MBD5: variants seen among roughly 807,000 people sequenced by gnomAD.
The protein encoded by MBD5 is methyl-CpG-binding domain protein 5.
In MBD5, 13 loss-of-function variants were observed where a neutral mutation model predicts 117.3. That is an observed-to-expected ratio of 0.11 (90% confidence interval 0.07 to 0.18). The LOEUF is 0.18. Among genes scored for constraint, MBD5 ranks in the 10% least tolerant of loss-of-function variants. MBD5 has a pLI of 1.00. For synonymous variants in MBD5, 727 were observed against 766.4 expected (o/e 0.95, Z 0.85); for missense variants, 1,879 against 2,093.8 (o/e 0.90, Z 2.00).
At chr2:148,123,436 G>A (rs1376288132) in intron 1 of MBD5, among the ~76,000 whole-genome samples, 1 of 152,154 alleles carries the variant, frequency 6.6e-6, no homozygotes, top group Non-Finnish European at 1.5e-5. Context: ...TTTGGTGACT[G>A]TTGACTGACT....
intron 12 of MBD5, among the ~76,000 whole-genome samples, chr2:148,508,787 C>T (rs1559108442): frequency 6.6e-6 from 1 of 152,088 alleles, no homozygotes; most frequent in Non-Finnish European, 1.5e-5. Flanking sequence ...TTTTTTGAAA[C>T]ATAGGACCAT....
At chr2:148,510,242 C>A in intron 13 of MBD5, 107 bp downstream of exon 13, 1 of 760,018 alleles carries the variant, frequency 1.3e-6, no homozygotes, top group East Asian at 2.7e-5. Context: ...CATAGCAATA[C>A]TAAATTACTA....
At chr2:148,239,472 T>G (rs1700163321) in intron 3 of MBD5, among the ~76,000 whole-genome samples, 1 of 152,162 alleles carries the variant, frequency 6.6e-6, no homozygotes, top group African/African-American at 2.4e-5. Context: ...ATAATCATAC[T>G]TATAGTTATA....
chr2:148,426,440 G>T (rs201166059), intron 4 of MBD5, among the ~76,000 whole-genome samples: 1 of 151,742 alleles, frequency 6.6e-6, no homozygotes, highest in Non-Finnish European at 1.5e-5. Context: ...CATGGTACTG[G>T]TACCAAAACA....
At chr2:148,437,620 AC>A (rs1207313051) in intron 4 of MBD5, among the ~76,000 whole-genome samples, 1 of 152,024 alleles carries the variant, frequency 6.6e-6, no homozygotes, top group Non-Finnish European at 1.5e-5. Context: ...ATATGTCACA[AC>A]ACTTCACAGG....
intron 1 of MBD5, among the ~76,000 whole-genome samples, chr2:148,144,529 A>G (rs981804813): frequency 8.5e-5 from 13 of 152,264 alleles, no homozygotes; most frequent in African/African-American, 2.6e-4. Context: ...GCCCATGCCT[A>G]TGTCCTGAAT....
At chr2:148,290,178 G>A (rs561523753) in intron 3 of MBD5, among the ~76,000 whole-genome samples, 3 of 147,686 alleles carry the variant, frequency 2.0e-5, no homozygotes, top group East Asian at 2.0e-4. Flanking sequence ...GGCTGATCTC[G>A]AATGCCTGAC....
At chr2:148,106,077 T>C (rs772654268) in intron 1 of MBD5, among the ~76,000 whole-genome samples, 6 of 149,952 alleles carry the variant, frequency 4.0e-5, no homozygotes, top group Non-Finnish European at 5.9e-5. Context: ...ATGTTTCATT[T>C]TGGAAACATA....
At chr2:148,050,484 G>T (rs1406309498) in intron 1 of MBD5, among the ~76,000 whole-genome samples, 1 of 151,822 alleles carries the variant, frequency 6.6e-6, no homozygotes, top group Non-Finnish European at 1.5e-5. Context: ...TATCATATAT[G>T]ATTGCAATAT....
chr2:148,151,153 G>T (rs574504089), intron 1 of MBD5, among the ~76,000 whole-genome samples: 1 of 150,848 alleles, frequency 6.6e-6, no homozygotes, highest in Non-Finnish European at 1.5e-5. Flanking sequence ...TAGCATGAAG[G>T]GTTGTTGAAT....
At chr2:148,131,716 A>G (rs1243715744) in intron 1 of MBD5, among the ~76,000 whole-genome samples, 4 of 152,236 alleles carry the variant, frequency 2.6e-5, no homozygotes, top group African/African-American at 7.2e-5. Flanking sequence ...AAAAAGCTAT[A>G]TTCATTTTTT....
At chr2:148,335,177 T>C (rs1209285765) in intron 3 of MBD5, among the ~76,000 whole-genome samples, 2 of 151,860 alleles carry the variant, frequency 1.3e-5, no homozygotes, top group Non-Finnish European at 2.9e-5. Flanking sequence ...TCACTTGAGC[T>C]CAGGAGTTCA....
intron 1 of MBD5, among the ~76,000 whole-genome samples, chr2:148,092,376 A>C (rs899986490): frequency 6.6e-6 from 1 of 152,224 alleles, no homozygotes; most frequent in Admixed American, 6.5e-5. Context: ...TGTTTATCTC[A>C]GCACAATTTG....
intron 1 of MBD5, among the ~76,000 whole-genome samples, chr2:148,099,233 G>A (rs1169025436): frequency 6.6e-6 from 1 of 152,002 alleles, no homozygotes; most frequent in Non-Finnish European, 1.5e-5. Flanking sequence ...TTAGTATTGA[G>A]GAATGGAAGT....
intron 1 of MBD5, among the ~76,000 whole-genome samples, chr2:148,075,080 A>G (rs1267893880): frequency 6.6e-6 from 1 of 152,152 alleles, no homozygotes; most frequent in East Asian, 1.9e-4. Context: ...GATGCAGTAG[A>G]AAAGCTTTGT....
chr2:148,254,794 CCA>C (rs758189527), intron 3 of MBD5, among the ~76,000 whole-genome samples: 2 of 152,168 alleles, frequency 1.3e-5, no homozygotes, highest in Non-Finnish European at 2.9e-5. Flanking sequence ...AGTGGTGTTA[CCA>C]CAGTGTTGCT....
chr2:148,319,309 G>A (rs1702229417), intron 3 of MBD5, among the ~76,000 whole-genome samples: 2 of 152,128 alleles, frequency 1.3e-5, no homozygotes, highest in Non-Finnish European at 2.9e-5. Flanking sequence ...CTGCTAATTT[G>A]ATAGGGATTG....
chr2:148,117,272 A>G (rs933643560), intron 1 of MBD5, among the ~76,000 whole-genome samples: 3 of 152,216 alleles, frequency 2.0e-5, no homozygotes, highest in South Asian at 2.1e-4. Flanking sequence ...TAGAATTTCA[A>G]TAACAAGCAC....
chr2:148,203,997 C>T (rs1396079960), intron 2 of MBD5, among the ~76,000 whole-genome samples: 1 of 152,028 alleles, frequency 6.6e-6, no homozygotes, highest in Non-Finnish European at 1.5e-5. Flanking sequence ...AAGGGTCAAA[C>T]CTGAACTCTA....
Sources: allele counts gnomAD v4.1 joint callset (sites outside exome capture counted in the v4.1 genomes callset), GRCh38; gene constraint gnomAD v4.1.1; transcripts MANE v1.5; gene names NCBI Gene and HGNC (gene_info 2026-07-23, HGNC 2026-07-21).